PAMR1: variants seen among roughly 807,000 people sequenced by gnomAD.
The protein encoded by PAMR1 is peptidase domain containing associated with muscle regeneration 1.
PAMR1 carries 88 observed loss-of-function variants against 81.8 expected under a neutral mutation model. The ratio of observed to expected loss-of-function variants is 1.08; its 90% CI spans 0.91 to 1.28. The LOEUF is 1.28. PAMR1 is among the 50% of genes most tolerant of loss of function. PAMR1 has a pLI of 0.00. For synonymous variants in PAMR1, 336 were observed against 345.3 expected, an observed-to-expected ratio of 0.97 and a Z score of 0.30; for missense variants, 935 against 919.7, an observed-to-expected ratio of 1.02 and a Z score of -0.21.
chr11:35,515,568 G>A (rs1355702772), intron 1 of PAMR1, among the ~76,000 whole-genome samples: 3 of 152,184 alleles, frequency 2.0e-5, no homozygotes, highest in African/African-American at 4.8e-5. Flanking sequence ...CACAACAGGT[G>A]GATGGCCATG....
At chr11:35,510,477 C>T (rs1312056342) in intron 1 of PAMR1, among the ~76,000 whole-genome samples, 2 of 149,996 alleles carry the variant, frequency 1.3e-5, no homozygotes, top group African/African-American at 2.5e-5. Context: ...CCCCCACCCC[C>T]GGAAACAGTA....
chr11:35,432,351 A>C lies in PAMR1; in HGVS notation c.*5T>G. 6.2e-7 allele frequency: 1 copy of C among 1,606,490 alleles called. No individual in the cohort carries two copies. The highest frequency in any genetic ancestry group is 1.3e-5 in the African/African-American group (1 of 75,004). On this transcript the variant is annotated 3_prime_UTR_variant, in exon 11 of 11. Coordinates refer to ENST00000619888, the MANE Select transcript of PAMR1 (RefSeq NM_001001991.3). ...AACACTTCTCAAGGAGTGCATGAGC[A>C]TGGTTCATTTCATATTTCTTTCAAT... is the stretch of plus-strand genomic sequence containing the variant.
chr11:35,496,944 T>C (rs1012253814), intron 1 of PAMR1, among the ~76,000 whole-genome samples: 1 of 152,170 alleles, frequency 6.6e-6, no homozygotes, highest in Non-Finnish European at 1.5e-5. Flanking sequence ...GGCAGGCAGA[T>C]CACTTGAGGC....
At chr11:35,500,728 T>C (rs1850819034) in intron 1 of PAMR1, among the ~76,000 whole-genome samples, 1 of 152,182 alleles carries the variant, frequency 6.6e-6, no homozygotes, top group African/African-American at 2.4e-5. Context: ...AACATCAGAG[T>C]GTATTTACAC....
chr11:35,496,005 T>C (rs1206591722), intron 1 of PAMR1, among the ~76,000 whole-genome samples: 2 of 152,232 alleles, frequency 1.3e-5, no homozygotes, highest in Non-Finnish European at 2.9e-5. Context: ...CATAGCATAA[T>C]CGCCACTGAG....
intron 8 of PAMR1, 32 bp from the exon 9 acceptor site, chr11:35,436,167 G>T (rs1856039684): frequency 5.5e-6 from 8 of 1,451,638 alleles, no homozygotes; most frequent in Non-Finnish European, 7.7e-6. Flanking sequence ...CAGAGAAAGA[G>T]CAGGGTGAGA....
At position 35,494,189 on chromosome 11, in the gene PAMR1, A is replaced by C. The variant is rs779609791; in HGVS notation, c.157T>G (p.Cys53Gly). 1.2e-6 allele frequency: 2 copies of C among 1,613,978 alleles called. No individual in the cohort carries two copies. Among genetic ancestry groups the C allele is most frequent in the Non-Finnish European group, 1.7e-6 (2 of 1,179,918 alleles). ...RECCEYDQIE[C>G]VCPGKREVVG... ...ACTTCCCTCTTTCCGGGGCAGACGC[A>C]CTCAATCTGATCATATTCACAGCAC... The change falls in exon 2 of 11, where the codon TGC becomes GGC. Residue 53 changes from cysteine to glycine, a missense_variant. Transcript: ENST00000619888.
intron 3 of PAMR1, among the ~76,000 whole-genome samples, chr11:35,485,350 T>G (rs1198937490): frequency 6.6e-6 from 1 of 152,188 alleles, no homozygotes; most frequent in Non-Finnish European, 1.5e-5. Context: ...AAGGAGCATA[T>G]GGATGTATAC....
At chr11:35,462,525 G>A (rs192167715) in intron 6 of PAMR1, among the ~76,000 whole-genome samples, 24 of 152,178 alleles carry the variant, frequency 1.6e-4, no homozygotes, top group African/African-American at 4.8e-4. Flanking sequence ...CTAGGACTTT[G>A]AGAAAGTTAT....
At chr11:35,464,892 T>G (rs922268166) in intron 6 of PAMR1, among the ~76,000 whole-genome samples, 7 of 152,202 alleles carry the variant, frequency 4.6e-5, no homozygotes, top group Non-Finnish European at 8.8e-5. Flanking sequence ...ATAAAGAGAA[T>G]AGCTTCTATC....
intron 3 of PAMR1, among the ~76,000 whole-genome samples, chr11:35,479,146 T>C (rs1163214640): frequency 2.0e-5 from 3 of 152,322 alleles, no homozygotes; most frequent in African/African-American, 4.8e-5. Context: ...CACACACTTC[T>C]AAGAAGTGGT....
At chr11:35,437,020 G>A (rs149101878) in intron 8 of PAMR1, among the ~76,000 whole-genome samples, 13 of 152,308 alleles carry the variant, frequency 8.5e-5, no homozygotes, top group Non-Finnish European at 1.5e-5. Context: ...GGTGTAATTA[G>A]TACACCTCAG....
chr11:35,457,066 G>A (rs35880213), intron 6 of PAMR1, among the ~76,000 whole-genome samples: 15,935 of 152,140 alleles, frequency 0.1, 967 homozygotes, highest in Non-Finnish European at 0.15. Flanking sequence ...CCTGACTGTG[G>A]TACTTAATTT....
chr11:35,462,768 C>T (rs981174992), intron 6 of PAMR1, among the ~76,000 whole-genome samples: 1 of 152,120 alleles, frequency 6.6e-6, no homozygotes, highest in Non-Finnish European at 1.5e-5. Context: ...GAAAGTGAGG[C>T]TCATAGGAGC....
intron 4 of PAMR1, 95 bp from the exon 5 acceptor site, chr11:35,470,913 A>G: frequency 1.2e-6 from 1 of 827,972 alleles, no homozygotes; most frequent in Non-Finnish European, 2.0e-6. Context: ...AACAGGCCTG[A>G]GGAACAGATG....
chr11:35,441,940 C>T lies in PAMR1; in HGVS notation c.821-247G>A, dbSNP rs1856180635. On this transcript the variant is annotated intron_variant, in intron 6 of 10. Transcript: ENST00000619888. Reference sequence around the variant, plus strand: ...TAAATAAATTTGATGCCAAATCTGGCTCTTATATCATCTTGTCCATTTCTT... The same window carrying T: ...TAAATAAATTTGATGCCAAATCTGGTTCTTATATCATCTTGTCCATTTCTT... 1.3e-5 allele frequency among the ~76,000 whole-genome samples: 2 copies of T among 152,134 alleles called. 1 individual carries two copies. The highest frequency in any genetic ancestry group is 4.1e-4 in the South Asian group (2 of 4,824).
At chr11:35,476,211 G>A (rs930659805) in intron 3 of PAMR1, among the ~76,000 whole-genome samples, 2 of 152,064 alleles carry the variant, frequency 1.3e-5, no homozygotes, top group Non-Finnish European at 2.9e-5. Flanking sequence ...GTTTCCACTT[G>A]GGGCTCCTGT....
At chr11:35,466,658 C>T (rs1026218093) in intron 6 of PAMR1, among the ~76,000 whole-genome samples, 2 of 133,694 alleles carry the variant, frequency 1.5e-5, no homozygotes, top group Non-Finnish European at 3.1e-5. Flanking sequence ...ACCCAGGAGG[C>T]GGAGCTTGCA....
At position 35,441,508 on chromosome 11, in the gene PAMR1, A is replaced by T. The variant is rs1211864147; in HGVS notation, c.1006T>A (p.Ser336Thr). The change falls in exon 7 of 11, where the codon TCA becomes ACA. Residue 336 changes from serine (S) to threonine (T), a missense_variant. By Grantham distance (58) the Ser-to-Thr change is moderately conservative. Coordinates refer to ENST00000619888, the MANE Select transcript of PAMR1 (RefSeq NM_001001991.3). ...KRTCQQNGEWSGKQPICIKAC... is the reference protein window; with the variant it reads ...KRTCQQNGEWTGKQPICIKAC... ...TTTATGCAGATGGGCTGTTTCCCTG[A>T]CCACTCTCCATTCTGCTGGCAAGTT... 1 of 1,613,000 alleles carries T rather than the reference A, an allele frequency of 6.2e-7. No individual in the cohort carries two copies. The highest frequency in any genetic ancestry group is 8.5e-7 in the Non-Finnish European group (1 of 1,179,742).
Sources: gnomAD v4.1 joint callset for allele counts (sites outside exome capture counted in the v4.1 genomes callset) on GRCh38, gnomAD v4.1.1 for gene constraint, MANE v1.5 for transcripts, NCBI Gene and HGNC (gene_info 2026-07-23, HGNC 2026-07-21) for gene names.